Variants in MAPK10 observed in about 807,000 individuals in gnomAD.
MAPK10 encodes the protein mitogen-activated protein kinase 10, also known as JNK3 alpha protein kinase.
MAPK10 carries 25 observed loss-of-function variants against 59.3 expected under a neutral mutation model. The observed-to-expected ratio is 0.42, with a 90% CI of 0.31 to 0.59. The LOEUF (loss-of-function observed/expected upper bound fraction) is 0.59, where lower values mean the gene tolerates loss of function less well. MAPK10 is among the 20% of genes least tolerant of loss of function. The pLI, the probability that MAPK10 is intolerant of heterozygous loss-of-function variation, is 0.15. For synonymous variants in MAPK10, 190 were observed against 200.5 expected (o/e 0.95, Z 0.44); for missense variants, 351 against 568.9 (o/e 0.62, Z 3.90).
At chr4:86,476,249 T>A (rs1231193688) in intron 1 of MAPK10, among the ~76,000 whole-genome samples, 3 of 151,944 alleles carry the variant, frequency 2.0e-5, no homozygotes, top group Non-Finnish European at 4.4e-5. Flanking sequence ...CCGAGCCAGG[T>A]CCCAATTCTT....
intron 1 of MAPK10, among the ~76,000 whole-genome samples, chr4:86,518,697 G>T (rs139110259): frequency 5.3e-5 from 8 of 149,708 alleles, no homozygotes; most frequent in Admixed American, 3.3e-4. Context: ...TCTTTGAGAT[G>T]TGAGCTTAGA....
intron 1 of MAPK10, among the ~76,000 whole-genome samples, chr4:86,547,477 C>T (rs1759315478): frequency 6.6e-6 from 1 of 152,246 alleles, no homozygotes; most frequent in Non-Finnish European, 1.5e-5. Context: ...CTCGCCGGGC[C>T]TTAGTTGCCT....
intron 1 of MAPK10, among the ~76,000 whole-genome samples, chr4:86,469,642 A>G (rs1752506369): frequency 6.6e-6 from 1 of 152,238 alleles, no homozygotes; most frequent in Non-Finnish European, 1.5e-5. Flanking sequence ...GGTTATTTAT[A>G]TATGCAAACA....
At chr4:86,043,574 C>T (rs2041978519) in intron 11 of MAPK10, among the ~76,000 whole-genome samples, 1 of 152,060 alleles carries the variant, frequency 6.6e-6, no homozygotes, top group Non-Finnish European at 1.5e-5. Flanking sequence ...TAAAGGTTTG[C>T]TTTGATTCTT....
At chr4:86,448,126 C>CA (rs1264496050) in intron 1 of MAPK10, among the ~76,000 whole-genome samples, 6 of 151,732 alleles carry the variant, frequency 4.0e-5, no homozygotes, top group South Asian at 4.2e-4. Flanking sequence ...CACACATACA[C>CA]AAAAAAAACA....
chr4:86,238,494 CCT>C (rs1370160225), intron 2 of MAPK10, among the ~76,000 whole-genome samples: 2 of 152,164 alleles, frequency 1.3e-5, no homozygotes, highest in Middle Eastern at 3.4e-3. Flanking sequence ...GAATGTTTTT[CCT>C]CTGTTTGTTT....
chr4:86,103,073 CTCTG>C, intron 6 of MAPK10, 109 bp downstream of exon 6: 2 of 303,474 alleles, frequency 6.6e-6, no homozygotes, highest in East Asian at 1.3e-4. Flanking sequence ...GGGATTTCAA[CTCTG>C]TGTGTGTGTG....
chr4:86,073,340 A>G (rs2048458645), intron 9 of MAPK10, among the ~76,000 whole-genome samples: 1 of 151,570 alleles, frequency 6.6e-6, no homozygotes, highest in Non-Finnish European at 1.5e-5. Context: ...CTTTCAAAAA[A>G]CCAGCTCCTG....
chr4:86,270,035 A>T (rs1476269654), intron 2 of MAPK10, among the ~76,000 whole-genome samples: 1 of 152,110 alleles, frequency 6.6e-6, no homozygotes, highest in Non-Finnish European at 1.5e-5. Context: ...CATTTTAAAT[A>T]AAAAATACAA....
chr4:86,051,339 G>A (rs988796479), intron 11 of MAPK10, among the ~76,000 whole-genome samples: 4 of 136,210 alleles, frequency 2.9e-5, no homozygotes, highest in Non-Finnish European at 6.5e-5. Context: ...CACATATAAC[G>A]AATGCCCTAG....
rs552708633 is a variant in MAPK10 at position 86,398,912 on chromosome 4, C to T, written c.-121-44268G>A. Among the ~76,000 whole-genome samples the T allele has an allele frequency of 1.4e-4, 22 of 152,262 alleles. No individual in the cohort carries two copies. The South Asian group carries it at 3.9e-3, about 27-fold the overall frequency. On this transcript the variant is annotated intron_variant, in intron 1 of 13. Coordinates refer to the MAPK10 transcript ENST00000361569. ...CTTAGGATAATGGCCTCCAGTACAT[C>T]CATTTTGTTGCAAAGGACATGACTT...
intron 1 of MAPK10, among the ~76,000 whole-genome samples, chr4:86,539,476 A>G (rs1489304074): frequency 6.6e-6 from 1 of 152,196 alleles, no homozygotes; most frequent in African/African-American, 2.4e-5. Context: ...TGGTGCTTTT[A>G]GAAACCCTTG....
intron 9 of MAPK10, among the ~76,000 whole-genome samples, chr4:86,073,905 T>C (rs1383863527): frequency 8.6e-6 from 1 of 116,346 alleles, no homozygotes; most frequent in East Asian, 2.2e-4. Flanking sequence ...AGATGTCTAT[T>C]AGGTCCGCTT....
intron 5 of MAPK10, 147 bp from the exon 6 acceptor site, chr4:86,103,391 G>A: frequency 1.6e-5 from 9 of 579,246 alleles, no homozygotes; most frequent in Non-Finnish European, 2.8e-5. Flanking sequence ...AGCTGTCTCA[G>A]AGGACACAGA....
At chr4:86,060,498 T>C in intron 11 of MAPK10, among the ~76,000 whole-genome samples, 1 of 152,188 alleles carries the variant, frequency 6.6e-6, no homozygotes, top group Admixed American at 6.5e-5. Context: ...TTCACCCAGA[T>C]GCTCCTTAAG....
intron 9 of MAPK10, among the ~76,000 whole-genome samples, chr4:86,087,521 T>C (rs1474773465): frequency 1.3e-5 from 2 of 152,154 alleles, no homozygotes; most frequent in Non-Finnish European, 2.9e-5. Flanking sequence ...ATAGCATTAA[T>C]GTTGATGTGG....
intron 2 of MAPK10, among the ~76,000 whole-genome samples, chr4:86,276,776 C>T (rs2094591912): frequency 1.3e-5 from 2 of 152,042 alleles, no homozygotes; most frequent in African/African-American, 4.8e-5. Context: ...CTGGTTCTAT[C>T]ATTGTCTGGT....
chr4:86,418,224 T>C (rs538330971), intron 1 of MAPK10, among the ~76,000 whole-genome samples: 3 of 152,330 alleles, frequency 2.0e-5, no homozygotes, highest in African/African-American at 7.2e-5. Context: ...TGAGAGCATG[T>C]ACCTAAGAAA....
intron 4 of MAPK10, among the ~76,000 whole-genome samples, chr4:86,110,872 T>C (rs1180628818): frequency 3.3e-5 from 5 of 152,222 alleles, no homozygotes; most frequent in African/African-American, 1.2e-4. Context: ...GAGCACGGAA[T>C]GTTTTTTCAT....
Sources: gnomAD v4.1 joint callset for allele counts (sites outside exome capture counted in the v4.1 genomes callset) on GRCh38, gnomAD v4.1.1 for gene constraint, MANE v1.5 for transcripts, NCBI Gene and HGNC (gene_info 2026-07-23, HGNC 2026-07-21) for gene names.